The following NBPF9 variants were observed in gnomAD, a reference collection of about 807,000 sequenced individuals.
NBPF9 encodes NBPF family member NBPF9.
A neutral mutation model predicts 97.8 loss-of-function variants in NBPF9; 91 were observed. The ratio of observed to expected loss-of-function variants is 0.93; its 90% CI spans 0.79 to 1.11. The LOEUF (loss-of-function observed/expected upper bound fraction) is 1.11. NBPF9 is among the 50% of genes least tolerant of loss of function. The pLI is 0.00. For missense variants in NBPF9, 992 were observed against 939.5 expected (o/e 1.06, Z -0.73); for synonymous variants, 334 against 359.5 (o/e 0.93, Z 0.80).
chr1:149,055,294 G>C (rs1420843073), exon 30 of NBPF9: 1 of 413,774 alleles, frequency 2.4e-6, no homozygotes, highest in Admixed American at 3.8e-5. Flanking sequence ...CTTTGGATGA[G>C]CTAAACACAA....
chr1:149,068,103 C>T (rs1469513373), intron 17 of NBPF9, among the ~76,000 whole-genome samples: 1 of 147,778 alleles, frequency 6.8e-6, no homozygotes, highest in East Asian at 2.6e-4. Context: ...ACCAGGCCTG[C>T]CTTACAAGAG....
exon 9 of NBPF9, chr1:149,079,193 C>T (rs782132286): frequency 9.2e-7 from 1 of 1,083,094 alleles, no homozygotes; most frequent in African/African-American, 1.6e-5. Context: ...AGCTCTCGTT[C>T]CTGAGAGTGA....
Position 149,060,848 on chromosome 1 carries a change from C to T in NBPF9, c.2304-153G>A. ...ACAAATTATTGCCTTCATGTTGGGA[C>T]ACAACGGGGCCAAATGGAAAAGAAT... On this transcript the variant is annotated intron_variant, in intron 23 of 29. Coordinates refer to ENST00000584027, the Ensembl canonical transcript of NBPF9. 2 of 418,240 alleles carry T rather than the reference C, an allele frequency of 4.8e-6. 1 individual carries two copies. Among genetic ancestry groups the T allele is most frequent in the Non-Finnish European group, 8.2e-6 (2 of 244,368 alleles). 25.9% of individuals were successfully genotyped at this position (418,240 alleles called of 1,614,324 possible). A position where few individuals can be genotyped will look rare whatever the true frequency, so the allele number is the denominator to read the frequency against.
At chr1:149,063,155 A>G (rs1212072270) in intron 20 of NBPF9, among the ~76,000 whole-genome samples, 1 of 144,400 alleles carries the variant, frequency 6.9e-6, no homozygotes, top group Admixed American at 6.9e-5. Flanking sequence ...ATTTGTCCCA[A>G]GTTTGTGCAA....
At chr1:149,090,067 G>T (rs1184482392) in intron 5 of NBPF9, 5 of 151,490 alleles carry the variant, frequency 3.3e-5, no homozygotes, top group African/African-American at 1.2e-4. Context: ...GCTGATGGGA[G>T]TTTATTTCTC....
rs2079992201 is a variant in NBPF9, at chr1:149,077,519, G to A, written c.567-100C>T. The A allele has an allele frequency of 3.9e-6, 6 of 1,540,618 alleles. No homozygotes were observed. The Admixed American group carries it at 1.0e-4, about 26-fold the overall frequency. ...TTTTGACAGGCGGCATTAAGAGAGT[G>A]GTTCCAGAAAGCAAAACGGAGGTTC... On this transcript the variant is annotated intron_variant, in intron 10 of 29. Transcript: ENST00000584027.
chr1:149,055,565 C>T (rs2078150952), exon 30 of NBPF9: 4 of 1,562,656 alleles, frequency 2.6e-6, no homozygotes, highest in South Asian at 2.4e-5. Flanking sequence ...TATGTCTGGG[C>T]TTCCAAATGG....
At position 149,072,938 on chromosome 1, in the gene NBPF9, G is replaced by T. The variant is rs1436104036; in HGVS notation, c.1092-6C>A. 2 of 1,606,714 alleles carry T rather than the reference G, an allele frequency of 1.2e-6. No individual in the cohort carries two copies. The highest frequency in any genetic ancestry group is 1.7e-5 in the Admixed American group (1 of 59,848). Reference sequence around the variant, plus strand: ...GAACCAGGACTTTATATTGCCTAAGGTGAGATGGTAGAGAAAAATTAAGAG... The same window carrying T: ...GAACCAGGACTTTATATTGCCTAAGTTGAGATGGTAGAGAAAAATTAAGAG... On this transcript the variant is annotated splice_region_variant and splice_polypyrimidine_tract_variant and intron_variant, in intron 13 of 29. Coordinates refer to ENST00000584027, the Ensembl canonical transcript of NBPF9.
chr1:149,061,038 T>A, intron 23 of NBPF9: 1 of 417,580 alleles, frequency 2.4e-6, no homozygotes, highest in East Asian at 3.0e-5. Flanking sequence ...ACAGGGATCA[T>A]GAAAAGACTG....
At chr1:149,094,164 CACT>C (rs1471522921) in intron 4 of NBPF9, among the ~76,000 whole-genome samples, 1 of 151,728 alleles carries the variant, frequency 6.6e-6, no homozygotes, top group African/African-American at 2.4e-5. Flanking sequence ...AAAGACGGTT[CACT>C]ACTTAACTCC....
At chr1:149,055,854 C>T in exon 30 of NBPF9, 2 of 1,606,736 alleles carry the variant, frequency 1.2e-6, no homozygotes, top group Admixed American at 1.7e-5. Context: ...CCAGTGAGTC[C>T]TGCAAGACTT....
intron 17 of NBPF9, chr1:149,065,923 AC>A (rs2079013215): frequency 1.6e-6 from 1 of 621,304 alleles, no homozygotes; most frequent in Admixed American, 2.9e-5. Context: ...AGATGAGCCA[AC>A]TCAGGGCACC....
chr1:149,075,564 C>G, intron 12 of NBPF9, 91 bp downstream of exon 12: 1 of 1,422,090 alleles, frequency 7.0e-7, no homozygotes, highest in East Asian at 2.3e-5. Context: ...GGGAGGATGA[C>G]ATTATTTTTG....
At position 149,072,217 on chromosome 1, in the gene NBPF9, C is replaced by T. The variant is rs1268382106; in HGVS notation, c.1306+501G>A. Among the ~76,000 whole-genome samples the T allele has an allele frequency of 5.9e-5, 9 of 151,666 alleles. 2 individuals are homozygous for T. The highest frequency in any genetic ancestry group is 3.9e-4 in the East Asian group (2 of 5,090). On this transcript the variant is annotated intron_variant, in intron 14 of 29. Coordinates refer to ENST00000584027, the Ensembl canonical transcript of NBPF9. ...ATAAAGTGCCTTCTCCAACATCACA[C>T]GGCGAGGGCCTTCATCTCATTTTGG...
In NBPF9 at chr1:149,059,322, A is replaced by T. The variant is rs2078447155; in HGVS notation, c.2586-225T>A. 19 of 477,430 alleles carry T rather than the reference A, an allele frequency of 4.0e-5. 1 individual carries two copies. In the East Asian group the frequency reaches 5.4e-4, roughly 13 times the overall value. 29.6% of individuals were successfully genotyped at this position (477,430 alleles called of 1,614,324 possible). ...CAGAGACAGAGACAGAGAGAAAGTG[A>T]CCTAGTGAATTGGCCGGGTGACACA... On this transcript the variant is annotated intron_variant, in intron 25 of 29. Transcript: ENST00000584027.
At chr1:149,076,262 ATC>A (rs1309209352) in intron 11 of NBPF9, among the ~76,000 whole-genome samples, 2 of 151,248 alleles carry the variant, frequency 1.3e-5, no homozygotes, top group African/African-American at 4.8e-5. Flanking sequence ...CAGAGGCACA[ATC>A]TCAGCTCACT....
chr1:149,082,172 G>A lies in NBPF9; in HGVS notation c.-33C>T, dbSNP rs782402287. ...TTTGTGGCAGAAGAGGTGGGGCCAG[G>A]GACTGGGGAGAAGAAACCCAAACAT... On this transcript the variant is annotated splice_region_variant and 5_prime_UTR_variant, in exon 7 of 30. Coordinates refer to ENST00000584027, the Ensembl canonical transcript of NBPF9. The A allele has an allele frequency of 3.7e-6, 6 of 1,611,964 alleles. No homozygotes were observed. In the Admixed American group the frequency reaches 6.7e-5, roughly 18 times the overall value.
chr1:149,088,150 CACA>C (rs1553659190), intron 5 of NBPF9, among the ~76,000 whole-genome samples: 3 of 152,374 alleles, frequency 2.0e-5, no homozygotes, highest in Middle Eastern at 3.4e-3. Context: ...TATTTATAAG[CACA>C]ACATGTATTT....
In NBPF9 at chr1:149,060,311, G is replaced by T. The variant is rs1218154037; in HGVS notation, c.2476+212C>A. ...GATAGGATCAGGGCGCCACAGGTAT[G>T]GCCTGAGACTAGGAAGAGAGTCTTG... On this transcript the variant is annotated intron_variant, in intron 24 of 29. Transcript: ENST00000584027. 75 of 405,660 alleles carry T rather than the reference G, an allele frequency of 1.8e-4. 24 individuals carry two copies. Among genetic ancestry groups the T allele is most frequent in the Non-Finnish European group, 3.4e-4 (74 of 219,456 alleles). 25.1% of individuals were successfully genotyped at this position (405,660 alleles called of 1,614,324 possible).
Sources: gnomAD v4.1 joint callset for allele counts (sites outside exome capture counted in the v4.1 genomes callset) on GRCh38, gnomAD v4.1.1 for gene constraint, MANE v1.5 for transcripts, NCBI Gene and HGNC (gene_info 2026-07-23, HGNC 2026-07-21) for gene names.